The following PCDHA5 variants were observed in gnomAD, a reference collection of about 807,000 sequenced individuals.
The protein encoded by PCDHA5 is protocadherin alpha 5, also known as protocadherin alpha-5.
Under a neutral mutation model 61.6 loss-of-function variants are expected in PCDHA5, and 43 were observed. The ratio of observed to expected loss-of-function variants is 0.70; its 90% confidence interval spans 0.55 to 0.90. The LOEUF (loss-of-function observed/expected upper bound fraction) is 0.90, where lower values mean the gene tolerates loss of function less well. Ranked by LOEUF, PCDHA5 falls within the 40% of genes least tolerant of loss-of-function variation. PCDHA5 has a pLI of 0.00. For synonymous variants in PCDHA5, 627 were observed against 543.9 expected (o/e 1.15, Z -2.13); for missense variants, 1,298 against 1,222.7 (o/e 1.06, Z -0.92).
At chr5:140,849,967 C>T (rs2150460775) in intron 1 of PCDHA5, 1 of 1,597,834 alleles carries the variant, frequency 6.3e-7, no homozygotes, top group East Asian at 2.2e-5. Flanking sequence ...GCCCTGGTGT[C>T]CTACTCGCTG....
At chr5:140,867,813 C>T (rs1189080463) in intron 1 of PCDHA5, 1 of 152,032 alleles carries the variant, frequency 6.6e-6, no homozygotes, top group Non-Finnish European at 1.5e-5. Context: ...TATGAAATTC[C>T]ATTTCCACAA....
intron 1 of PCDHA5, chr5:140,883,596 T>C: frequency 1.2e-6 from 2 of 1,613,794 alleles, no homozygotes; most frequent in East Asian, 4.5e-5. Context: ...AGCGTGTCGG[T>C]GGGGGTGGCC....
At chr5:140,889,242 TTC>T (rs1195440878) in intron 1 of PCDHA5, among the ~76,000 whole-genome samples, 1 of 151,892 alleles carries the variant, frequency 6.6e-6, no homozygotes, top group African/African-American at 2.4e-5. Flanking sequence ...CCAGAAAATT[TTC>T]TGTTTCCTGT....
At chr5:140,897,785 A>G (rs1246213890) in intron 1 of PCDHA5, among the ~76,000 whole-genome samples, 1 of 152,148 alleles carries the variant, frequency 6.6e-6, no homozygotes, top group Non-Finnish European at 1.5e-5. Context: ...CAATGGTTGA[A>G]CTAGTTTAGA....
At chr5:140,958,495 C>A (rs559117374) in intron 1 of PCDHA5, among the ~76,000 whole-genome samples, 1 of 152,020 alleles carries the variant, frequency 6.6e-6, no homozygotes, top group Non-Finnish European at 1.5e-5. Flanking sequence ...TCCACATATC[C>A]TAGGAGGCAT....
At chr5:140,878,897 A>G (rs1366976155) in intron 1 of PCDHA5, among the ~76,000 whole-genome samples, 1 of 152,232 alleles carries the variant, frequency 6.6e-6, no homozygotes, top group Non-Finnish European at 1.5e-5. Context: ...GACTACAGGC[A>G]GGCTCCACCA....
chr5:140,856,374 T>C, intron 1 of PCDHA5: 3 of 1,598,376 alleles, frequency 1.9e-6, no homozygotes, highest in Non-Finnish European at 2.6e-6. Flanking sequence ...GAGGTGATCG[T>C]GGACAGGCCG....
intron 1 of PCDHA5, among the ~76,000 whole-genome samples, chr5:140,914,392 AC>A (rs1554196309): frequency 6.6e-6 from 1 of 151,928 alleles, no homozygotes; most frequent in Non-Finnish European, 1.5e-5. Flanking sequence ...AAGTGTAGTT[AC>A]CCCTGCTCCT....
At position 140,928,347 on chromosome 5, in the gene PCDHA5, G is replaced by A. The variant is rs139222568; in HGVS notation, c.2353-50602G>A. 5 of 1,614,148 alleles carry A rather than the reference G, an allele frequency of 3.1e-6. No homozygotes were observed. The African/African-American group carries it at 5.3e-5, about 17-fold the overall frequency. On this transcript the variant is annotated intron_variant, in intron 1 of 3. Coordinates refer to ENST00000529859, the MANE Select transcript of PCDHA5 (RefSeq NM_018908.3). ...ATGGCCTTGTCTCTTATGAGCTGTT[G>A]GATGTTATCTCTGAAGGGCCATCAG...
At chr5:140,981,111 T>C (rs1275828842) in intron 2 of PCDHA5, among the ~76,000 whole-genome samples, 3 of 152,232 alleles carry the variant, frequency 2.0e-5, no homozygotes, top group African/African-American at 2.4e-5. Context: ...GAATTTCTAC[T>C]GGATATGTTG....
At chr5:140,871,523 G>T in intron 1 of PCDHA5, 1 of 1,546,536 alleles carries the variant, frequency 6.5e-7, no homozygotes, top group Non-Finnish European at 8.7e-7. Context: ...CCACCTATCA[G>T]GAAGTGTATG....
chr5:140,876,580 G>T, intron 1 of PCDHA5: 1 of 1,614,190 alleles, frequency 6.2e-7, no homozygotes, highest in African/African-American at 1.3e-5. Context: ...TACCGTCATT[G>T]CCCTGATTAG....
chr5:140,842,600 G>C (rs1778125962), intron 1 of PCDHA5: 1 of 1,543,982 alleles, frequency 6.5e-7, no homozygotes. Flanking sequence ...GGTGGTAACC[G>C]CGCGGGACGG....
chr5:140,990,729 C>G (rs2097409512), intron 3 of PCDHA5, among the ~76,000 whole-genome samples: 1 of 152,134 alleles, frequency 6.6e-6, no homozygotes, highest in Non-Finnish European at 1.5e-5. Flanking sequence ...CTAGGTATAT[C>G]AACAGCCCTA....
chr5:140,846,704 T>C (rs1263410748), intron 1 of PCDHA5, among the ~76,000 whole-genome samples: 4 of 149,392 alleles, frequency 2.7e-5, no homozygotes, highest in African/African-American at 9.8e-5. Flanking sequence ...TAGAGAAGAT[T>C]GTAATAACCA....
At position 140,823,925 on chromosome 5, in the gene PCDHA5, A is replaced by C. The variant is rs2150130360; in HGVS notation, c.2150A>C (p.Tyr717Ser). 6.2e-7 allele frequency: 1 copy of C among 1,613,820 alleles called. No individual in the cohort carries two copies. The highest frequency in any genetic ancestry group is 2.2e-5 in the East Asian group (1 of 44,852). The change falls in exon 1 of 4, where the codon TAC becomes TCC. Residue 717 changes from tyrosine to serine, a missense_variant. Tyr to Ser is a moderately radical substitution (Grantham distance 144). Transcript: ENST00000529859. ...CTGCTGGTGCTCACGCTGCTGCTGT[A>C]CACCGCGCTGCGGTGCTCGGCGCAG... is the stretch of plus-strand genomic sequence containing the variant. ...SSLLVLTLLL[Y>S]TALRCSAQPT...
At position 140,858,879 on chromosome 5, in the gene PCDHA5, CATGTGTAGAAT is replaced by C. The variant is rs2045639159; in HGVS notation, c.2352+34761_2352+34771del. On this transcript the variant is annotated intron_variant, in intron 1 of 3. Transcript: ENST00000529859. ...TCTTCAGTGAAAATGTGTTTTCCTC[CATGTGTAGAAT>C]ATGTGTAGCGTACCACAGCTTATAC... 2.9e-5 allele frequency: 7 copies of C among 243,802 alleles called. No homozygotes were observed. In the South Asian group the frequency reaches 3.1e-4, roughly 11 times the overall value. The allele number at this position is 243,802 out of a possible 1,614,324, so 15.1% of individuals were successfully genotyped here. A position where few individuals can be genotyped will look rare whatever the true frequency, so the allele number is the denominator to read the frequency against.
At position 140,853,857 on chromosome 5, in the gene PCDHA5, A is replaced by C. The variant is rs2042888129; in HGVS notation, c.2352+29730A>C. ...AATTTTAGATCCATAGCCCTATTTG[A>C]TACTTGACAGTGCAAGTTTCTGTAA... On this transcript the variant is annotated intron_variant, in intron 1 of 3. Transcript: ENST00000529859. 6.1e-6 allele frequency: 6 copies of C among 985,610 alleles called. 1 individual carries two copies. The highest frequency in any genetic ancestry group is 7.3e-6 in the Non-Finnish European group (6 of 817,684). 61.1% of individuals were successfully genotyped at this position (985,610 alleles called of 1,614,324 possible).
chr5:140,968,871 C>A lies in PCDHA5; in HGVS notation c.2353-10078C>A, dbSNP rs782670653. 11 of 1,614,218 alleles carry A rather than the reference C, an allele frequency of 6.8e-6. No individual in the cohort carries two copies. In the South Asian group the frequency reaches 1.2e-4, roughly 18 times the overall value. On this transcript the variant is annotated intron_variant, in intron 1 of 3. Coordinates refer to ENST00000529859, the MANE Select transcript of PCDHA5 (RefSeq NM_018908.3). ...CATGTTAAGAGCCCTCGGACATACT[C>A]TGAAATTACCCTTTATCTAATAATA...
Sources: gnomAD v4.1 joint callset for allele counts (sites outside exome capture counted in the v4.1 genomes callset) on GRCh38, gnomAD v4.1.1 for gene constraint, MANE v1.5 for transcripts, NCBI Gene and HGNC (gene_info 2026-07-23, HGNC 2026-07-21) for gene names.